Variants in RHBDL2 observed in about 807,000 individuals in gnomAD.
RHBDL2 encodes rhomboid like 2, also known as rhomboid-related protein 2.
Under a neutral mutation model 31.7 loss-of-function variants are expected in RHBDL2, and 26 were observed. The ratio of observed to expected loss-of-function variants is 0.82; its 90% confidence interval spans 0.60 to 1.14. The LOEUF is 1.14. RHBDL2 is among the 50% of genes most tolerant of loss of function. RHBDL2 has a pLI of 0.00. For synonymous variants in RHBDL2, 123 were observed against 127.2 expected, an observed-to-expected ratio of 0.97 and a Z score of 0.22; for missense variants, 336 against 364.4, an observed-to-expected ratio of 0.92 and a Z score of 0.63.
chr1:38,916,710 C>A lies in RHBDL2; in HGVS notation c.247-1000G>T, dbSNP rs1406204978. Among the ~76,000 whole-genome samples, 241 of 145,658 alleles carry A rather than the reference C, an allele frequency of 1.7e-3. 3 individuals are homozygous for A. Among genetic ancestry groups the A allele is most frequent in the African/African-American group, 4.3e-3 (170 of 39,378 alleles). On this transcript the variant is annotated intron_variant, in intron 2 of 7. Transcript: ENST00000372990. ...TAAAAATACAAAAAAAACAAACAAACAAAAAAAAAAACTAGCCAGGCGTGG... is the reference window on the plus strand; with the variant it reads ...TAAAAATACAAAAAAAACAAACAAAAAAAAAAAAAAACTAGCCAGGCGTGG...
chr1:38,918,775 C>A (rs1177298517), intron 2 of RHBDL2, among the ~76,000 whole-genome samples, 192 bp downstream of exon 2: 2 of 152,160 alleles, frequency 1.3e-5, no homozygotes, highest in Non-Finnish European at 1.5e-5. Context: ...TTGGCAGTGA[C>A]CGTGAGTATA....
chr1:38,921,093 G>A (rs558412518), intron 1 of RHBDL2, among the ~76,000 whole-genome samples: 128 of 152,282 alleles, frequency 8.4e-4, no homozygotes, highest in Non-Finnish European at 1.3e-3. Context: ...GCTTACTTGA[G>A]ATAATGCATG....
intron 4 of RHBDL2, among the ~76,000 whole-genome samples, chr1:38,898,795 G>A (rs1410603178): frequency 6.6e-6 from 1 of 152,134 alleles, no homozygotes; most frequent in African/African-American, 2.4e-5. Context: ...GAGCATGCAA[G>A]GAAATTACCC....
chr1:38,923,088 C>T (rs562346432), intron 1 of RHBDL2, among the ~76,000 whole-genome samples: 1 of 150,612 alleles, frequency 6.6e-6, no homozygotes, highest in Non-Finnish European at 1.5e-5. Context: ...GAAACTCCAT[C>T]TCAAAAAAAA....
intron 1 of RHBDL2, among the ~76,000 whole-genome samples, chr1:38,939,820 C>T (rs527472043): frequency 3.5e-4 from 54 of 152,180 alleles, no homozygotes; most frequent in Non-Finnish European, 7.2e-4. Flanking sequence ...GGGATTACTA[C>T]GGCTGGCGTG....
chr1:38,900,524 G>A (rs1402023127), intron 4 of RHBDL2, among the ~76,000 whole-genome samples: 1 of 152,160 alleles, frequency 6.6e-6, no homozygotes, highest in Non-Finnish European at 1.5e-5. Context: ...GGGAGACTGA[G>A]GCAGGAGAAT....
chr1:38,914,482 T>C (rs965101624), intron 3 of RHBDL2, among the ~76,000 whole-genome samples: 2 of 151,764 alleles, frequency 1.3e-5, no homozygotes, highest in Non-Finnish European at 2.9e-5. Flanking sequence ...CCTCAGGTGA[T>C]CTATCCACCT....
Position 38,915,275 on chromosome 1 carries a change from T to C in RHBDL2, c.395+287A>G, listed in dbSNP as rs372925475. The stretch of plus-strand genomic sequence containing the variant: ...AGCCTCCCGGGACTACAGGTATGCA[T>C]CACCATGCCTGTCTAATTTTTTTAT... On this transcript the variant is annotated intron_variant, in intron 3 of 7. Transcript: ENST00000372990. Among the ~76,000 whole-genome samples the C allele has an allele frequency of 2.2e-3, 328 of 151,660 alleles. 3 individuals are homozygous for C. Among genetic ancestry groups the C allele is most frequent in the African/African-American group, 7.2e-3 (299 of 41,404 alleles).
At chr1:38,929,383 A>G (rs960741939) in intron 1 of RHBDL2, 1 of 1,287,922 alleles carries the variant, frequency 7.8e-7, no homozygotes, top group African/African-American at 1.5e-5. Context: ...CAGAGGACTA[A>G]ATCAGGCTCA....
chr1:38,910,696 C>T (rs933078880), intron 4 of RHBDL2, among the ~76,000 whole-genome samples: 4 of 151,644 alleles, frequency 2.6e-5, no homozygotes, highest in African/African-American at 9.7e-5. Flanking sequence ...GGCTTTAGAC[C>T]TTTACTCAAA....
At chr1:38,937,234 C>G (rs1284082322) in intron 1 of RHBDL2, among the ~76,000 whole-genome samples, 1 of 152,162 alleles carries the variant, frequency 6.6e-6, no homozygotes, top group Non-Finnish European at 1.5e-5. Context: ...GCGTGAGCCA[C>G]CGCGCCTGGC....
intron 4 of RHBDL2, among the ~76,000 whole-genome samples, chr1:38,900,874 C>T (rs1025396024): frequency 6.6e-6 from 1 of 151,496 alleles, no homozygotes; most frequent in South Asian, 2.1e-4. Context: ...ATAGCAAAAC[C>T]CTGTCTCTAC....
intron 2 of RHBDL2, among the ~76,000 whole-genome samples, chr1:38,917,858 T>C (rs1261545006): frequency 6.6e-6 from 1 of 152,232 alleles, no homozygotes; most frequent in Non-Finnish European, 1.5e-5. Flanking sequence ...TGCTTAAACA[T>C]TATCCTAGGT....
At chr1:38,892,456 A>G (rs1336192249) in intron 6 of RHBDL2, among the ~76,000 whole-genome samples, 2 of 152,096 alleles carry the variant, frequency 1.3e-5, no homozygotes, top group East Asian at 1.9e-4. Flanking sequence ...CCCACTCCAT[A>G]AAGATACTAA....
intron 3 of RHBDL2, among the ~76,000 whole-genome samples, chr1:38,912,891 T>C (rs1244445447): frequency 1.4e-5 from 1 of 71,614 alleles, no homozygotes; most frequent in African/African-American, 6.1e-5. Context: ...ACCATATATA[T>C]ATATATATAT....
intron 1 of RHBDL2, among the ~76,000 whole-genome samples, chr1:38,932,448 C>T (rs887577050): frequency 1.3e-5 from 2 of 151,946 alleles, no homozygotes; most frequent in African/African-American, 4.8e-5. Flanking sequence ...AATAAAATGG[C>T]TCTTGGTTTT....
At chr1:38,931,206 T>A (rs1643435212) in intron 1 of RHBDL2, among the ~76,000 whole-genome samples, 1 of 152,104 alleles carries the variant, frequency 6.6e-6, no homozygotes, top group African/African-American at 2.4e-5. Context: ...ATTCAGAGGG[T>A]CTGGGCTCAG....
intron 1 of RHBDL2, among the ~76,000 whole-genome samples, chr1:38,924,455 G>T (rs372754054): frequency 6.6e-6 from 1 of 152,014 alleles, no homozygotes; most frequent in African/African-American, 2.4e-5. Flanking sequence ...TTAGCCAGGC[G>T]TGGTGGCGGG....
At chr1:38,939,343 T>A (rs1392269002) in intron 1 of RHBDL2, among the ~76,000 whole-genome samples, 2 of 151,992 alleles carry the variant, frequency 1.3e-5, no homozygotes, top group Non-Finnish European at 2.9e-5. Flanking sequence ...CAGGCTCAAA[T>A]GATCCTCCCA....
Sources: allele counts gnomAD v4.1 joint callset (sites outside exome capture counted in the v4.1 genomes callset), GRCh38; gene constraint gnomAD v4.1.1; transcripts MANE v1.5; gene names NCBI Gene and HGNC (gene_info 2026-07-23, HGNC 2026-07-21).